Variants in ZNF723 observed in about 807,000 individuals in gnomAD.
ZNF723 encodes zinc finger protein 723, pseudogene.
A neutral mutation model predicts 9.4 loss-of-function variants in ZNF723; 5 were observed. The observed-to-expected ratio is 0.53, with a 90% CI of 0.28 to 1.12. ZNF723 has a LOEUF of 1.12. Among genes scored for constraint, ZNF723 ranks in the 50% most tolerant of loss-of-function variants. ZNF723 has a pLI of 0.10. For missense variants in ZNF723, 450 were observed against 501.5 expected, an observed-to-expected ratio of 0.90 and a Z score of 0.98; for synonymous variants, 158 against 168.8, an observed-to-expected ratio of 0.94 and a Z score of 0.49.
chr19:22,851,794 C>CT (rs986019862), intron 3 of ZNF723, among the ~76,000 whole-genome samples: 4 of 151,520 alleles, frequency 2.6e-5, no homozygotes, highest in South Asian at 4.2e-4. Context: ...CTTGTTAGAA[C>CT]TTTTTTTTTG....
At position 22,858,356 on chromosome 19, in the gene ZNF723, G is replaced by A. The variant is rs61741116; in HGVS notation, c.1465G>A (p.Ala489Thr). ...TTACAAATGTGAAGAATGTGGCAAA[G>A]CCTTTAACAAGTCCTCAATTCTTAA... ...KPYKCEECGK[A>T]FNKSSILNRH... The change falls in exon 4 of 4, where the codon GCC (alanine) becomes ACC (threonine). Residue 489 changes from alanine (A) to threonine (T), a missense_variant. Transcript: ENST00000600766. The A allele has an allele frequency of 1.0e-5, 10 of 1,000,852 alleles. No homozygotes were observed. Among genetic ancestry groups the A allele is most frequent in the Admixed American group, 2.0e-5 (1 of 50,594 alleles). 62.0% of individuals were successfully genotyped at this position (1,000,852 alleles called of 1,614,324 possible). A position where few individuals can be genotyped will look rare whatever the true frequency, so the allele number is the denominator to read the frequency against.
At chr19:22,837,808 T>C (rs1222393702) in intron 1 of ZNF723, among the ~76,000 whole-genome samples, 1 of 152,200 alleles carries the variant, frequency 6.6e-6, no homozygotes, top group African/African-American at 2.4e-5. Flanking sequence ...TTTTTGATCC[T>C]AGTGTTTTTT....
rs149280574 is a variant in ZNF723, at chr19:22,846,008, C to A, written c.4-2253C>A. ...TTTACTTCTCTTGCGTTTTTCCTCCCTAATGAGTTTGTTTTAACTACTTTT... is the reference window on the plus strand; with the variant it reads ...TTTACTTCTCTTGCGTTTTTCCTCCATAATGAGTTTGTTTTAACTACTTTT... On this transcript the variant is annotated intron_variant, in intron 1 of 3. Transcript: ENST00000600766. 8.5e-3 allele frequency among the ~76,000 whole-genome samples: 1,280 copies of A among 150,798 alleles called. 15 individuals are homozygous for A. Among genetic ancestry groups the A allele is most frequent in the African/African-American group, 0.029 (1,176 of 40,860 alleles).
In ZNF723 at chr19:22,848,057, G is replaced by A. The variant is rs1599477787; in HGVS notation, c.4-204G>A. ...GCAGAGGTTGCAGTGAGCCGAAATT[G>A]CACCATTGTACTCCAGCCTGGGCAA... On this transcript the variant is annotated intron_variant, in intron 1 of 3. Coordinates refer to ENST00000600766, the MANE Select transcript of ZNF723 (RefSeq NM_001349726.2). Among the ~76,000 whole-genome samples the A allele has an allele frequency of 4.0e-5, 6 of 149,846 alleles. No homozygotes were observed. In the South Asian group the frequency reaches 1.3e-3, roughly 32 times the overall value.
In ZNF723 at chr19:22,857,411, A is replaced by G; in HGVS notation, c.520A>G (p.Lys174Glu). The stretch of plus-strand genomic sequence containing the variant: ...AAGACATACTGGAAATAATTCTTTC[A>G]AATGTAAAGAATGTGGCAAATCATT... ...KIRHTGNNSF[K>E]CKECGKSFCM... The change falls in exon 4 of 4, where the codon AAA (lysine) becomes GAA (glutamate). Residue 174 changes from lysine to glutamate, a missense_variant. Transcript: ENST00000600766. The G allele has an allele frequency of 1.1e-6, 1 of 880,646 alleles. No homozygotes were observed. Among genetic ancestry groups the G allele is most frequent in the East Asian group, 2.5e-5 (1 of 40,756 alleles). The allele number at this position is 880,646 out of a possible 1,614,324, so 54.6% of individuals were successfully genotyped here.
chr19:22,849,509 CTTGAAG>C (rs1967363364), intron 3 of ZNF723, among the ~76,000 whole-genome samples: 2 of 152,152 alleles, frequency 1.3e-5, no homozygotes, highest in African/African-American at 4.8e-5. Context: ...TGTGATCTTC[CTTGAAG>C]TTTACAGTGA....
chr19:22,817,369 A>G, the ZNF723 span, among the ~76,000 whole-genome samples: 3 of 152,166 alleles, frequency 2.0e-5, no homozygotes, highest in African/African-American at 7.2e-5. Context: ...TGCCTAGGCT[A>G]TGCCTACAGC....
chr19:22,831,332 G>A (rs1439870365), upstream of ZNF723, among the ~76,000 whole-genome samples: 5 of 151,940 alleles, frequency 3.3e-5, no homozygotes, highest in African/African-American at 7.3e-5. Flanking sequence ...CGAGGCGGGC[G>A]GATCACCTGA....
rs983442189 is a variant in ZNF723, at chr19:22,858,622, C to T, written c.*189C>T. 18 of 412,190 alleles carry T rather than the reference C, an allele frequency of 4.4e-5. No individual in the cohort carries two copies. Among genetic ancestry groups the T allele is most frequent in the African/African-American group, 2.1e-4 (10 of 48,634 alleles). The allele number at this position is 412,190 out of a possible 1,614,324, so 25.5% of individuals were successfully genotyped here. The stretch of plus-strand genomic sequence containing the variant: ...CTACTAAAATACAAAAAAAATTAGC[C>T]GGGTGTAGTGGTGGGCGCCTGTAAT... On this transcript the variant is annotated 3_prime_UTR_variant, in exon 4 of 4. Coordinates refer to ENST00000600766, the MANE Select transcript of ZNF723 (RefSeq NM_001349726.2).
chr19:22,827,479 G>T (rs1242346236), upstream of ZNF723, among the ~76,000 whole-genome samples: 3 of 149,918 alleles, frequency 2.0e-5, no homozygotes, highest in African/African-American at 7.4e-5. Context: ...ACAAAGTCTT[G>T]CTCTGTAGCT....
At chr19:22,852,740 A>G (rs1280882960) in intron 3 of ZNF723, among the ~76,000 whole-genome samples, 2 of 152,160 alleles carry the variant, frequency 1.3e-5, no homozygotes, top group African/African-American at 2.4e-5. Flanking sequence ...GGTATTGACA[A>G]TGCTATGCAA....
Position 22,857,511 on chromosome 19 carries a change from G to A in ZNF723, c.620G>A (p.Gly207Asp), listed in dbSNP as rs1309141830. 25 of 1,212,610 alleles carry A rather than the reference G, an allele frequency of 2.1e-5. No homozygotes were observed. Among genetic ancestry groups the A allele is most frequent in the Non-Finnish European group, 3.1e-5 (25 of 816,872 alleles). 75.1% of individuals were successfully genotyped at this position (1,212,610 alleles called of 1,614,324 possible). A position where few individuals can be genotyped will look rare whatever the true frequency, so the allele number is the denominator to read the frequency against. Residue 207 changes from glycine to aspartate, a missense_variant, in exon 4 of 4, where the codon GGC becomes GAC. This residue lies in a region of ZNF723 where 237 missense variants were observed against 332.2 expected (regional missense o/e 0.71). Coordinates refer to ENST00000600766, the MANE Select transcript of ZNF723 (RefSeq NM_001349726.2). ...AATTGTTACAAATGTGAAGAATGTG[G>A]CAAAGCCTTTAGTGTGCCCTCAAAG... ...RVNCYKCEEC[G>D]KAFSVPSKLN...
chr19:22,853,740 A>G (rs1490785947), intron 3 of ZNF723, among the ~76,000 whole-genome samples: 1 of 152,034 alleles, frequency 6.6e-6, no homozygotes, highest in African/African-American at 2.4e-5. Flanking sequence ...TCAGCCTTCC[A>G]AGTAGCTGGA....
chr19:22,814,791 A>G, the ZNF723 span, among the ~76,000 whole-genome samples: 1 of 152,162 alleles, frequency 6.6e-6, no homozygotes, highest in Non-Finnish European at 1.5e-5. Flanking sequence ...ATTGTGGCAT[A>G]TCACTGAACT....
At chr19:22,854,159 A>T (rs1045705746) in intron 3 of ZNF723, among the ~76,000 whole-genome samples, 1 of 97,568 alleles carries the variant, frequency 1.0e-5, no homozygotes, top group Non-Finnish European at 2.0e-5. Context: ...TGAGATACAC[A>T]CACACACACA....
the ZNF723 span, among the ~76,000 whole-genome samples, chr19:22,814,827 C>T: frequency 6.6e-6 from 1 of 152,106 alleles, no homozygotes; most frequent in Non-Finnish European, 1.5e-5. Context: ...TGAGCCTATA[C>T]TTTTGCCTTA....
At chr19:22,817,744 C>T in the ZNF723 span, among the ~76,000 whole-genome samples, 3 of 152,188 alleles carry the variant, frequency 2.0e-5, no homozygotes, top group African/African-American at 7.2e-5. Flanking sequence ...AGAAGAAATG[C>T]TATCTCTCAC....
chr19:22,837,233 TG>T (rs1967177825), intron 1 of ZNF723, among the ~76,000 whole-genome samples: 1 of 147,988 alleles, frequency 6.8e-6, no homozygotes, highest in African/African-American at 2.5e-5. Flanking sequence ...GCAGAGATTG[TG>T]CCACTGCACT....
the ZNF723 span, among the ~76,000 whole-genome samples, chr19:22,813,723 A>C: frequency 3.9e-5 from 6 of 152,076 alleles, no homozygotes; most frequent in African/African-American, 1.4e-4. Context: ...CCTGGATGAC[A>C]GAGTGAGACT....
Sources: gnomAD v4.1 joint callset for allele counts (sites outside exome capture counted in the v4.1 genomes callset) on GRCh38, gnomAD v4.1.1 for gene constraint, gnomAD v4.1.1 regional missense constraint, MANE v1.5 for transcripts, NCBI Gene and HGNC (gene_info 2026-07-23, HGNC 2026-07-21) for gene names.